Variants in GMDS observed in about 807,000 individuals in gnomAD.
GMDS encodes the protein GDP-mannose 4,6-dehydratase.
A neutral mutation model predicts 49.9 loss-of-function variants in GMDS; 20 were observed. The observed-to-expected ratio is 0.40, with a 90% confidence interval of 0.28 to 0.58. GMDS has a LOEUF of 0.58. Among genes scored for constraint, GMDS ranks in the 20% least tolerant of loss-of-function variants. GMDS has a pLI of 0.42. For synonymous variants in GMDS, 177 were observed against 178.6 expected (o/e 0.99, Z 0.07); for missense variants, 362 against 481.4 (o/e 0.75, Z 2.32).
In GMDS at chr6:1,979,863, C is replaced by T. The variant is rs556609866; in HGVS notation, c.346-18897G>A. On this transcript the variant is annotated intron_variant, in intron 4 of 10. Transcript: ENST00000380815. ...AGCAGACCTCTCAGTGGAAACCCTA[C>T]CAGCTGGAAGAGATTGGTGGCCAAT... Among the ~76,000 whole-genome samples the T allele has an allele frequency of 2.6e-5, 4 of 152,262 alleles. No homozygotes were observed. The South Asian group carries it at 8.3e-4, about 32-fold the overall frequency.
intron 6 of GMDS, among the ~76,000 whole-genome samples, chr6:1,948,634 A>G (rs2628442): frequency 0.25 from 37,404 of 151,966 alleles, 6,024 homozygotes; most frequent in African/African-American, 0.46. Context: ...CAGCCTGAGC[A>G]CTGTACAACA....
chr6:2,189,615 TCTC>T (rs1422641930), intron 1 of GMDS, among the ~76,000 whole-genome samples: 1 of 152,152 alleles, frequency 6.6e-6, no homozygotes, highest in Non-Finnish European at 1.5e-5. Flanking sequence ...CACTTCATAA[TCTC>T]CTGCCTTCAT....
chr6:2,024,586 T>A (rs1017887143), intron 4 of GMDS, among the ~76,000 whole-genome samples: 1 of 151,976 alleles, frequency 6.6e-6, no homozygotes, highest in African/African-American at 2.4e-5. Flanking sequence ...CAAGTATGCA[T>A]GTTAAAGTTA....
intron 7 of GMDS, among the ~76,000 whole-genome samples, chr6:1,905,502 G>T (rs1760716968): frequency 6.8e-6 from 1 of 146,258 alleles, no homozygotes. Flanking sequence ...TCTGCATGTG[G>T]GGCCAGCACA....
chr6:1,835,837 C>T (rs1401361314), intron 7 of GMDS, among the ~76,000 whole-genome samples: 1 of 151,886 alleles, frequency 6.6e-6, no homozygotes, highest in African/African-American at 2.4e-5. Flanking sequence ...AGTCATTAGA[C>T]ATTTTTTTCA....
rs75252733 is a variant in GMDS, at chr6:2,077,852, A to G, written c.345+37919T>C. 1.5e-3 allele frequency among the ~76,000 whole-genome samples: 222 copies of G among 152,214 alleles called. 3 individuals are homozygous for G. The East Asian group carries it at 0.021, about 15-fold the overall frequency. ...AATTTTTTGGAATAGTTTCAAGAGG[A>G]TTAGTATCAGTTCTTCTTTATACAT... On this transcript the variant is annotated intron_variant, in intron 4 of 10. Transcript: ENST00000380815.
intron 9 of GMDS, among the ~76,000 whole-genome samples, chr6:1,639,488 C>T (rs1179549993): frequency 1.3e-5 from 2 of 152,218 alleles, no homozygotes; most frequent in Non-Finnish European, 2.9e-5. Context: ...CCCAGAACTG[C>T]CCCGTTTAGT....
chr6:1,951,084 T>C (rs1461758211), intron 6 of GMDS, among the ~76,000 whole-genome samples: 1 of 152,074 alleles, frequency 6.6e-6, no homozygotes, highest in Non-Finnish European at 1.5e-5. Flanking sequence ...CCACCCCTAG[T>C]TGAGAACCAC....
intron 4 of GMDS, among the ~76,000 whole-genome samples, chr6:2,017,381 T>C (rs1767971945): frequency 6.6e-6 from 1 of 152,058 alleles, no homozygotes; most frequent in South Asian, 2.1e-4. Flanking sequence ...CTATCTCCGC[T>C]CACTGCAACC....
At chr6:2,047,355 G>A (rs1770084052) in intron 4 of GMDS, among the ~76,000 whole-genome samples, 2 of 152,224 alleles carry the variant, frequency 1.3e-5, no homozygotes, top group South Asian at 2.1e-4. Flanking sequence ...AAGGGCAGTG[G>A]AAAAGAAAGT....
chr6:1,755,081 G>GT (rs781478440), intron 7 of GMDS, among the ~76,000 whole-genome samples: 6 of 152,208 alleles, frequency 3.9e-5, no homozygotes, highest in Non-Finnish European at 7.3e-5. Context: ...CAGGAAGAGA[G>GT]TAAGTCAAAT....
At chr6:2,028,994 TCTTTC>T (rs1561988324) in intron 4 of GMDS, among the ~76,000 whole-genome samples, 1 of 150,314 alleles carries the variant, frequency 6.7e-6, no homozygotes, top group Non-Finnish European at 1.5e-5. Flanking sequence ...TTTTTTTCTT[TCTTTC>T]TTTTTTTTTT....
rs1021613559 is a variant in GMDS, at chr6:1,766,755, G to A, written c.772-24169C>T. Among the ~76,000 whole-genome samples the A allele has an allele frequency of 2.0e-5, 3 of 152,162 alleles. No individual in the cohort carries two copies. Among genetic ancestry groups the A allele is most frequent in the Non-Finnish European group, 2.9e-5 (2 of 68,036 alleles). ...TGCTTACACGGAGGAGCTGCACATCGAACATGCTAAAAACTGCGTTATGTT... is the reference window on the plus strand; with the variant it reads ...TGCTTACACGGAGGAGCTGCACATCAAACATGCTAAAAACTGCGTTATGTT... On this transcript the variant is annotated intron_variant, in intron 7 of 10. Transcript: ENST00000380815. This position sits in a 1 kb window ranked among gnomAD's most constrained non-coding sequence, Gnocchi z 4.5.
Position 1,705,174 on chromosome 6 carries a change from C to T in GMDS, c.987+21242G>A, listed in dbSNP as rs1765687830. On this transcript the variant is annotated intron_variant, in intron 9 of 10. Transcript: ENST00000380815. ...GATACAAATGGAACAAAACACCTTC[C>T]CTATGCTTAAAGAGCCAAAAAGACA... is the stretch of plus-strand genomic sequence containing the variant. Among the ~76,000 whole-genome samples the T allele has an allele frequency of 1.3e-5, 2 of 152,222 alleles. 1 individual carries two copies. The highest frequency in any genetic ancestry group is 4.1e-4 in the South Asian group (2 of 4,830).
chr6:1,796,843 AT>A (rs2113648353), intron 7 of GMDS, among the ~76,000 whole-genome samples: 1 of 152,368 alleles, frequency 6.6e-6, no homozygotes, highest in South Asian at 2.1e-4. Context: ...GTGATGTTTG[AT>A]ACGCTCATCA....
At chr6:1,739,924 C>G (rs1767195600) in intron 8 of GMDS, among the ~76,000 whole-genome samples, 1 of 152,232 alleles carries the variant, frequency 6.6e-6, no homozygotes, top group Non-Finnish European at 1.5e-5. Context: ...TAGTACTAAA[C>G]AGTTTCACTA....
chr6:2,178,263 C>T (rs1479540999), intron 1 of GMDS, among the ~76,000 whole-genome samples: 2 of 152,160 alleles, frequency 1.3e-5, no homozygotes, highest in East Asian at 1.9e-4. Context: ...TTAATTGGCT[C>T]ACGGTTCCAC....
chr6:2,053,769 T>C (rs17134626), intron 4 of GMDS, among the ~76,000 whole-genome samples: 8,108 of 152,118 alleles, frequency 0.053, 565 homozygotes, highest in African/African-American at 0.15. Flanking sequence ...CAGAAACCTT[T>C]GATTTTTTAA....
chr6:2,213,028 G>A (rs1439807764), intron 1 of GMDS, among the ~76,000 whole-genome samples: 3 of 152,088 alleles, frequency 2.0e-5, no homozygotes, highest in South Asian at 2.1e-4. Flanking sequence ...TTAGGGACAG[G>A]GAAATCAAAA....
Sources: gnomAD v4.1 joint callset for allele counts (sites outside exome capture counted in the v4.1 genomes callset) on GRCh38, gnomAD v4.1.1 for gene constraint, Gnocchi (gnomAD v3.1) non-coding constraint, MANE v1.5 for transcripts, NCBI Gene and HGNC (gene_info 2026-07-23, HGNC 2026-07-21) for gene names.